Variants in GNA14 observed in about 807,000 individuals in gnomAD.
GNA14 encodes the protein guanine nucleotide-binding protein subunit alpha-14.
In GNA14, 50 loss-of-function variants were observed where a neutral mutation model predicts 42.0. The ratio of observed to expected loss-of-function variants is 1.19; its 90% CI spans 0.95 to 1.51. The LOEUF (loss-of-function observed/expected upper bound fraction) is 1.51, where lower values mean the gene tolerates loss of function less well. GNA14 is among the 40% of genes most tolerant of loss of function. The pLI, the probability that GNA14 is intolerant of heterozygous loss-of-function variation, is 0.00. For missense variants in GNA14, 473 were observed against 446.2 expected, an observed-to-expected ratio of 1.06 and a Z score of -0.54; for synonymous variants, 173 against 163.1, an observed-to-expected ratio of 1.06 and a Z score of -0.46.
intron 2 of GNA14, among the ~76,000 whole-genome samples, chr9:77,511,699 C>G (rs1325096946): frequency 5.9e-5 from 9 of 152,142 alleles, no homozygotes; most frequent in Non-Finnish European, 4.4e-5. Flanking sequence ...TCTGGCCCCA[C>G]TCTCTCCTCC....
intron 5 of GNA14, among the ~76,000 whole-genome samples, chr9:77,426,570 C>T (rs534406334): frequency 6.6e-6 from 1 of 152,216 alleles, no homozygotes; most frequent in Non-Finnish European, 1.5e-5. Context: ...TCCCAAAGTG[C>T]TGGGATTACA....
chr9:77,609,539 A>G (rs1430829900), intron 1 of GNA14, among the ~76,000 whole-genome samples: 2 of 152,162 alleles, frequency 1.3e-5, no homozygotes, highest in African/African-American at 4.8e-5. Context: ...TTATGGCAGC[A>G]CACCATCCTT....
intron 1 of GNA14, among the ~76,000 whole-genome samples, chr9:77,609,630 G>A (rs913534989): frequency 1.3e-5 from 2 of 152,156 alleles, no homozygotes; most frequent in African/African-American, 4.8e-5. Flanking sequence ...CAGTTTGGAG[G>A]CTGAGAAGTC....
rs145634120 is a variant in GNA14 at position 77,538,458 on chromosome 9, T to C, written c.125-9205A>G. Among the ~76,000 whole-genome samples the C allele has an allele frequency of 7.9e-3, 1,206 of 152,264 alleles. 17 individuals are homozygous for C. Among genetic ancestry groups the C allele is most frequent in the African/African-American group, 0.028 (1,146 of 41,530 alleles). On this transcript the variant is annotated intron_variant, in intron 1 of 6. Coordinates refer to ENST00000341700, the MANE Select transcript of GNA14 (RefSeq NM_004297.4). ...TGAAACTTGGGATTTTTTTTTCTCA[T>C]GCCGTGAAATATGATGTTGGTATTC...
rs556721062 is a variant in GNA14 at position 77,504,417 on chromosome 9, C to T, written c.309+24652G>A. Among the ~76,000 whole-genome samples, 6 of 152,022 alleles carry T rather than the reference C, an allele frequency of 3.9e-5. No homozygotes were observed. In the East Asian group the frequency reaches 9.7e-4, roughly 25 times the overall value. ...ACCACCCAGGACACTCTTCTGAAGG[C>T]CAAAAGCCAGAAATGTTTGAAGAAG... On this transcript the variant is annotated intron_variant, in intron 2 of 6. Coordinates refer to ENST00000341700, the MANE Select transcript of GNA14 (RefSeq NM_004297.4).
chr9:77,556,875 T>G (rs1822789231), intron 1 of GNA14, among the ~76,000 whole-genome samples: 1 of 152,200 alleles, frequency 6.6e-6, no homozygotes, highest in Non-Finnish European at 1.5e-5. Flanking sequence ...ACTTTCTTTT[T>G]GGGGACAACT....
chr9:77,541,938 G>A (rs1436871816), intron 1 of GNA14, among the ~76,000 whole-genome samples: 1 of 151,944 alleles, frequency 6.6e-6, no homozygotes, highest in East Asian at 1.9e-4. Flanking sequence ...TTCATATCCT[G>A]AATTGTTTTT....
At chr9:77,427,834 C>G (rs1323617984) in intron 5 of GNA14, among the ~76,000 whole-genome samples, 1 of 152,222 alleles carries the variant, frequency 6.6e-6, no homozygotes, top group African/African-American at 2.4e-5. Context: ...CAGACAGCCC[C>G]AGAACAGCTC....
chr9:77,621,147 T>C (rs1823916083), intron 1 of GNA14, among the ~76,000 whole-genome samples: 1 of 152,084 alleles, frequency 6.6e-6, no homozygotes, highest in South Asian at 2.1e-4. Context: ...TTGACCAGGC[T>C]GGTCTCAAAC....
intron 1 of GNA14, among the ~76,000 whole-genome samples, chr9:77,532,432 C>A (rs1307562923): frequency 6.6e-6 from 1 of 152,168 alleles, no homozygotes; most frequent in East Asian, 1.9e-4. Context: ...CAGGTGAATG[C>A]AGGGGAAGGT....
intron 1 of GNA14, among the ~76,000 whole-genome samples, chr9:77,620,429 G>A (rs117699483): frequency 0.014 from 2,117 of 152,310 alleles, 23 homozygotes; most frequent in Non-Finnish European, 0.023. Flanking sequence ...GATGCAGCAA[G>A]TATAATAAGG....
chr9:77,516,725 G>C (rs1355912987), intron 2 of GNA14, among the ~76,000 whole-genome samples: 1 of 151,960 alleles, frequency 6.6e-6, no homozygotes, highest in Non-Finnish European at 1.5e-5. Context: ...GACCCCATTG[G>C]GGGTGGGGGG....
At chr9:77,445,317 A>G (rs4745637) in intron 2 of GNA14, among the ~76,000 whole-genome samples, 18,189 of 152,084 alleles carry the variant, frequency 0.12, 1,557 homozygotes, top group East Asian at 0.36. Flanking sequence ...TCAGTAGAAC[A>G]CAGTCAAGTG....
intron 1 of GNA14, among the ~76,000 whole-genome samples, chr9:77,532,579 T>C (rs1837545903): frequency 6.6e-6 from 1 of 152,226 alleles, no homozygotes; most frequent in Admixed American, 6.5e-5. Context: ...ATCAAGTATA[T>C]GACTGTTCAT....
At chr9:77,592,917 C>A (rs1385355197) in intron 1 of GNA14, among the ~76,000 whole-genome samples, 5 of 152,094 alleles carry the variant, frequency 3.3e-5, no homozygotes, top group Non-Finnish European at 7.3e-5. Context: ...AACAAAAAAA[C>A]AGGTATGTAA....
rs145821124 is a variant in GNA14 at position 77,476,999 on chromosome 9, T to C, written c.310-42477A>G. Among the ~76,000 whole-genome samples, 665 of 152,246 alleles carry C rather than the reference T, an allele frequency of 4.4e-3. 3 individuals carry two copies. The highest frequency in any genetic ancestry group is 0.014 in the Middle Eastern group (4 of 294). ...ATTCCACCTTGTCAGGATTCTGTAA[T>C]TTGCTCCCTCAGCCAGAAGACATAC... is the stretch of plus-strand genomic sequence containing the variant. On this transcript the variant is annotated intron_variant, in intron 2 of 6. Transcript: ENST00000341700.
chr9:77,599,424 T>A (rs1823518552), intron 1 of GNA14, among the ~76,000 whole-genome samples: 1 of 152,212 alleles, frequency 6.6e-6, no homozygotes, highest in Non-Finnish European at 1.5e-5. Context: ...CTGTAAGGGA[T>A]AATGGGCCGT....
At chr9:77,597,932 T>C (rs561821059) in intron 1 of GNA14, among the ~76,000 whole-genome samples, 405 of 152,048 alleles carry the variant, frequency 2.7e-3, no homozygotes, top group Non-Finnish European at 4.3e-3. Flanking sequence ...GGCGTGGTGG[T>C]GCATGCTGAG....
chr9:77,549,739 C>T (rs573607320), intron 1 of GNA14, among the ~76,000 whole-genome samples: 299 of 152,200 alleles, frequency 2.0e-3, no homozygotes, highest in Middle Eastern at 6.8e-3. Context: ...GGAAAAGAGC[C>T]CCAACTTTGG....
Sources: allele counts gnomAD v4.1 joint callset (sites outside exome capture counted in the v4.1 genomes callset), GRCh38; gene constraint gnomAD v4.1.1; transcripts MANE v1.5; gene names NCBI Gene and HGNC (gene_info 2026-07-23, HGNC 2026-07-21).